Variants in GAK observed in about 807,000 individuals in gnomAD.
GAK encodes cyclin-G-associated kinase.
GAK carries 79 observed loss-of-function variants against 143.9 expected under a neutral mutation model. The ratio of observed to expected loss-of-function variants is 0.55; its 90% CI spans 0.46 to 0.66. The LOEUF is 0.66. GAK is among the 30% of genes least tolerant of loss of function. The pLI is 0.00. For synonymous variants in GAK, 881 were observed against 765.5 expected (o/e 1.15, Z -2.49); for missense variants, 1,693 against 1,779.7 (o/e 0.95, Z 0.88).
At chr4:912,652 T>C (rs948942149) in intron 3 of GAK, 83 bp downstream of exon 3, 8 of 1,110,294 alleles carry the variant, frequency 7.2e-6, no homozygotes, top group Non-Finnish European at 9.3e-6. Flanking sequence ...GAGCAGCCTC[T>C]TGGCCACTGG....
At position 851,817 on chromosome 4, in the gene GAK, AGGCCTT is replaced by A. The variant is rs1485443377; in HGVS notation, c.3435_3440del (p.Arg1146_Pro1147del). 1 of 1,611,766 alleles carries A rather than the reference AGGCCTT, an allele frequency of 6.2e-7. No homozygotes were observed. The highest frequency in any genetic ancestry group is 8.5e-7 in the Non-Finnish European group (1 of 1,178,878). On this transcript the variant is annotated inframe_deletion, in exon 25 of 28. Transcript: ENST00000314167. ...TCACACTGAAGTTCGAGGCATAGTTAGGCCTTGGCTGTGTGCAGGCTTTGGGGGGCG... is the reference window on the plus strand; with the variant it reads ...TCACACTGAAGTTCGAGGCATAGTTAGGCTGTGTGCAGGCTTTGGGGGGCG...
chr4:853,287 G>C (rs1290265228), intron 24 of GAK: 1 of 152,242 alleles, frequency 6.6e-6, no homozygotes, highest in Non-Finnish European at 1.5e-5. Flanking sequence ...TAGGACACCT[G>C]GGTTGATGCC....
chr4:880,671 C>G (rs553528495), intron 15 of GAK, among the ~76,000 whole-genome samples: 8 of 152,296 alleles, frequency 5.3e-5, no homozygotes, highest in Non-Finnish European at 1.2e-4. Context: ...ACGTCCACCC[C>G]AGACAGCACA....
rs562664289 is a variant in GAK, at chr4:871,982, A to G, written c.2055-1078T>C. 5.0e-3 allele frequency among the ~76,000 whole-genome samples: 756 copies of G among 152,218 alleles called. 2 individuals carry two copies. Among genetic ancestry groups the G allele is most frequent in the Middle Eastern group, 0.017 (5 of 294 alleles). ...ACACCTAAGAAAATAAAGAAGAAAC[A>G]CAAAAGAGTGGCGGCCAGTTCCTGG... On this transcript the variant is annotated intron_variant, in intron 18 of 27. Coordinates refer to ENST00000314167, the MANE Select transcript of GAK (RefSeq NM_005255.4).
intron 15 of GAK, 150 bp from the exon 16 acceptor site, chr4:877,959 T>A (rs1714317239): frequency 3.3e-6 from 2 of 611,896 alleles, no homozygotes; most frequent in Non-Finnish European, 5.6e-6. Context: ...GTTATAATTT[T>A]CATTTAGTTA....
At chr4:882,085 G>A in intron 14 of GAK, 45 bp from the exon 15 acceptor site, 1 of 1,555,600 alleles carries the variant, frequency 6.4e-7, no homozygotes. Context: ...CACTCATGCA[G>A]GACAAGGGCT....
At chr4:914,477 C>A (rs1294234071) in intron 1 of GAK, among the ~76,000 whole-genome samples, 4 of 93,140 alleles carry the variant, frequency 4.3e-5, no homozygotes, top group South Asian at 5.0e-4. Context: ...CACGGCCCCA[C>A]ACACACACAG....
At chr4:865,984 T>C (rs1425459153) in intron 22 of GAK, among the ~76,000 whole-genome samples, 1 of 152,214 alleles carries the variant, frequency 6.6e-6, no homozygotes, top group African/African-American at 2.4e-5. Context: ...TCCCGGACCC[T>C]GGGTCCCCCA....
rs183060657 is a variant in GAK, at chr4:914,328, G to A, written c.146-660C>T. 2.8e-3 allele frequency among the ~76,000 whole-genome samples: 288 copies of A among 101,998 alleles called. 4 individuals are homozygous for A. The Middle Eastern group carries it at 0.028, about 10-fold the overall frequency. The allele number at this position is 101,998 out of a possible 152,430, so 66.9% of individuals were successfully genotyped here. On this transcript the variant is annotated intron_variant, in intron 1 of 27. Coordinates refer to ENST00000314167, the MANE Select transcript of GAK (RefSeq NM_005255.4). Reference sequence around the variant, plus strand: ...AAGGCCCCACACACACAGCCTCAGCGTGCCCGGCCCCACACAAACACAGCC... The same window carrying A: ...AAGGCCCCACACACACAGCCTCAGCATGCCCGGCCCCACACAAACACAGCC...
intron 11 of GAK, chr4:884,449 G>C (rs1715841645): frequency 7.8e-6 from 2 of 256,754 alleles, no homozygotes; most frequent in South Asian, 9.2e-5. Flanking sequence ...GGGCTGGAGA[G>C]CAAGGGTGGC....
intron 1 of GAK, among the ~76,000 whole-genome samples, chr4:920,539 A>ATTTT (rs34176109): frequency 1.5e-4 from 19 of 129,598 alleles, no homozygotes; most frequent in African/African-American, 5.1e-4. Context: ...GTTTAGAGCC[A>ATTTT]TTTTTTTTTT....
chr4:885,222 G>C (rs895595372), intron 11 of GAK, among the ~76,000 whole-genome samples: 1 of 152,214 alleles, frequency 6.6e-6, no homozygotes, highest in Non-Finnish European at 1.5e-5. Flanking sequence ...TTTGCAGCAA[G>C]AGACAAACAG....
At chr4:891,268 CTT>C (rs773128359) in intron 9 of GAK, among the ~76,000 whole-genome samples, 19 of 142,302 alleles carry the variant, frequency 1.3e-4, no homozygotes, top group Admixed American at 2.1e-4. Context: ...GGCTTTTTTT[CTT>C]TTTTTTTTTT....
At chr4:878,773 G>A (rs532872366) in intron 15 of GAK, among the ~76,000 whole-genome samples, 9 of 152,210 alleles carry the variant, frequency 5.9e-5, no homozygotes, top group Non-Finnish European at 1.3e-4. Flanking sequence ...TGGCGTTCCC[G>A]TGGTGCCTCT....
chr4:883,303 G>A lies in GAK; in HGVS notation c.1404+12C>T. ...CCAGAGTGGCACCAAGACAAAGCCT[G>A]TGGCCACACACCCGGTTGTGGAACC... is the stretch of plus-strand genomic sequence containing the variant. On this transcript the variant is annotated intron_variant, in intron 13 of 27. Transcript: ENST00000314167. The A allele has an allele frequency of 6.2e-7, 1 of 1,612,802 alleles. No individual in the cohort carries two copies. The highest frequency in any genetic ancestry group is 8.5e-7 in the Non-Finnish European group (1 of 1,179,724).
intron 24 of GAK, among the ~76,000 whole-genome samples, chr4:858,721 C>A (rs1749728170): frequency 6.6e-6 from 1 of 152,204 alleles, no homozygotes; most frequent in Non-Finnish European, 1.5e-5. Flanking sequence ...AGAGTGAGGA[C>A]TCAAAGCCAG....
intron 7 of GAK, chr4:894,893 C>A (rs1718462398): frequency 6.6e-6 from 1 of 152,136 alleles, no homozygotes; most frequent in African/African-American, 2.4e-5. Context: ...AGGCAAAGAA[C>A]TGCTTGAACC....
intron 15 of GAK, among the ~76,000 whole-genome samples, chr4:879,344 T>C (rs754635774): frequency 6.6e-6 from 1 of 152,246 alleles, no homozygotes; most frequent in Non-Finnish European, 1.5e-5. Context: ...TGAACACTGA[T>C]GTGGCTGGAT....
At chr4:881,835 C>T (rs1715172190) in intron 15 of GAK, 72 bp downstream of exon 15, 9 of 1,483,892 alleles carry the variant, frequency 6.1e-6, no homozygotes, top group Non-Finnish European at 8.2e-6. Flanking sequence ...CTCCAGGAGA[C>T]ACCACAGCGG....
Sources: gnomAD v4.1 joint callset for allele counts (sites outside exome capture counted in the v4.1 genomes callset) on GRCh38, gnomAD v4.1.1 for gene constraint, MANE v1.5 for transcripts, NCBI Gene and HGNC (gene_info 2026-07-23, HGNC 2026-07-21) for gene names.